ACACB: variants seen among roughly 807,000 people sequenced by gnomAD.
The protein encoded by ACACB is acetyl-CoA carboxylase beta.
ACACB carries 209 observed loss-of-function variants against 278.8 expected under a neutral mutation model. The observed-to-expected ratio is 0.75, with a 90% confidence interval of 0.67 to 0.84. The LOEUF (loss-of-function observed/expected upper bound fraction) is 0.84, where lower values mean the gene tolerates loss of function less well. Among genes scored for constraint, ACACB ranks in the 40% least tolerant of loss-of-function variants. The pLI is 0.00. For synonymous variants in ACACB, 1,174 were observed against 1,285.6 expected, an observed-to-expected ratio of 0.91 and a Z score of 1.86; for missense variants, 2,850 against 3,269.0, an observed-to-expected ratio of 0.87 and a Z score of 3.13.
chr12:109,260,433 T>C, intron 47 of ACACB, 47 bp from the exon 48 acceptor site: 2 of 1,610,464 alleles, frequency 1.2e-6, no homozygotes, highest in Non-Finnish European at 1.7e-6. Flanking sequence ...GGGTTTCATG[T>C]GTGGATGAGT....
At position 109,167,971 on chromosome 12, in the gene ACACB, C is replaced by T. The variant is rs1215870490; in HGVS notation, c.862C>T (p.Arg288Cys). 1.4e-5 allele frequency: 23 copies of T among 1,613,836 alleles called. No homozygotes were observed. The highest frequency in any genetic ancestry group is 1.9e-5 in the Non-Finnish European group (22 of 1,179,954). ...SIRRWAYEMF[R>C]NERAIRFVVM... ...CCGCAGGTGGGCCTATGAGATGTTC[C>T]GCAACGAGCGGGCCATCCGGTTTGT... is the stretch of plus-strand genomic sequence containing the variant. The change falls in exon 4 of 53, where the codon CGC becomes TGC. Residue 288 changes from arginine to cysteine, a missense_variant. Around this residue, in one of 3 missense-constraint regions of ACACB, gnomAD observed 2,265 missense variants for 2,561.3 expected, o/e 0.88. Transcript: ENST00000338432.
Position 109,241,301 on chromosome 12 carries a change from T to C in ACACB, c.5022+20T>C. The C allele has an allele frequency of 6.2e-7, 1 of 1,611,700 alleles. No individual in the cohort carries two copies. Among genetic ancestry groups the C allele is most frequent in the Non-Finnish European group, 8.5e-7 (1 of 1,178,048 alleles). On this transcript the variant is annotated intron_variant, in intron 36 of 52. Coordinates refer to ENST00000338432, the MANE Select transcript of ACACB (RefSeq NM_001093.4). Reference sequence around the variant, plus strand: ...GGAAATGTAAGGCTGGCCCGCGCCGTGGGGGTCTAAGTCAAAGCAGAAGCA... The same window carrying C: ...GGAAATGTAAGGCTGGCCCGCGCCGCGGGGGTCTAAGTCAAAGCAGAAGCA...
At chr12:109,212,128 G>A (rs560211955) in intron 21 of ACACB, among the ~76,000 whole-genome samples, 15 of 152,200 alleles carry the variant, frequency 9.9e-5, no homozygotes, top group African/African-American at 3.4e-4. Flanking sequence ...ATTCCTCACC[G>A]TTGAGGGGAT....
In ACACB at chr12:109,250,041, G is replaced by C; in HGVS notation, c.5727G>C (p.Arg1909Ser). ...ATGGCTTGGGCGTGGAGAATCTGAG[G>C]GGCTCAGGCATGATTGCTGGGGAGT... is the stretch of plus-strand genomic sequence containing the variant. ...KDDGLGVENL[R>S]GSGMIAGESS... Residue 1909 changes from arginine (R) to serine (S), a missense_variant, in exon 41 of 53, where the codon AGG becomes AGC. Physicochemically the swap from Arg to Ser is moderately radical, Grantham distance 110 (BLOSUM62 -1). This residue lies in a region of ACACB where 2,265 missense variants were observed against 2,561.3 expected (regional missense o/e 0.88). Coordinates refer to ENST00000338432, the MANE Select transcript of ACACB (RefSeq NM_001093.4). 1.2e-6 allele frequency: 2 copies of C among 1,613,590 alleles called. No homozygotes were observed. Among genetic ancestry groups the C allele is most frequent in the Non-Finnish European group, 1.7e-6 (2 of 1,179,784 alleles).
chr12:109,179,683 G>C (rs1565893226), intron 10 of ACACB, among the ~76,000 whole-genome samples: 1 of 152,150 alleles, frequency 6.6e-6, no homozygotes, highest in Non-Finnish European at 1.5e-5. Context: ...TAGAGACAGA[G>C]TCTTGCTATG....
chr12:109,254,454 A>G lies in ACACB; in HGVS notation c.6166+120A>G. The G allele has an allele frequency of 9.0e-6, 9 of 998,958 alleles. No individual in the cohort carries two copies. In the Admixed American group the frequency reaches 2.1e-4, roughly 23 times the overall value. 61.9% of individuals were successfully genotyped at this position (998,958 alleles called of 1,614,324 possible). On this transcript the variant is annotated intron_variant, in intron 44 of 52. Transcript: ENST00000338432. ...GGCTTGATATTCGTTCTCATATCCC[A>G]GAGAGGTATACCTGAAATCAAATGC... is the stretch of plus-strand genomic sequence containing the variant.
intron 1 of ACACB, among the ~76,000 whole-genome samples, chr12:109,137,077 C>T (rs898038747): frequency 2.6e-5 from 4 of 152,052 alleles, no homozygotes; most frequent in Admixed American, 1.3e-4. Flanking sequence ...AATGCTTTTC[C>T]TGCATCAATT....
At chr12:109,212,045 T>C (rs555102480) in intron 21 of ACACB, among the ~76,000 whole-genome samples, 1 of 152,310 alleles carries the variant, frequency 6.6e-6, no homozygotes, top group East Asian at 1.9e-4. Context: ...CCCCATCCCA[T>C]TGATATGTGC....
rs146654635 is a variant in ACACB, at chr12:109,207,006, G to A, written c.3060+150G>A. On this transcript the variant is annotated intron_variant, in intron 20 of 52. Transcript: ENST00000338432. ...TTATTTATTTTATTTTTTCAGACAA[G>A]GTCTCACTCTGTCACCCAGACTCAC... The A allele has an allele frequency of 1.6e-4, 167 of 1,023,518 alleles. No individual in the cohort carries two copies. In the African/African-American group the frequency reaches 2.6e-3, roughly 16 times the overall value. 63.4% of individuals were successfully genotyped at this position (1,023,518 alleles called of 1,614,324 possible).
At chr12:109,259,180 G>C in intron 47 of ACACB, 72 bp downstream of exon 47, 1 of 1,549,922 alleles carries the variant, frequency 6.5e-7, no homozygotes, top group Non-Finnish European at 8.8e-7. Flanking sequence ...TCTGGGTGGT[G>C]ATGCTAATGT....
intron 21 of ACACB, among the ~76,000 whole-genome samples, chr12:109,210,282 CATATCT>C (rs373998140): frequency 6.7e-4 from 10 of 14,850 alleles, no homozygotes; most frequent in South Asian, 2.3e-3. Flanking sequence ...TATACACACA[CATATCT>C]GTGTGTATAT....
chr12:109,241,537 A>C, intron 36 of ACACB: 2 of 463,742 alleles, frequency 4.3e-6, no homozygotes, highest in Non-Finnish European at 8.0e-6. Context: ...TGATAGAGAC[A>C]AGGTGTCACC....
chr12:109,177,049 C>T (rs935777086), intron 9 of ACACB, among the ~76,000 whole-genome samples: 1 of 152,204 alleles, frequency 6.6e-6, no homozygotes, highest in African/African-American at 2.4e-5. Flanking sequence ...ATTCTTAAAG[C>T]TATTTTAATA....
At chr12:109,264,493 G>A in intron 50 of ACACB, 107 bp downstream of exon 50, 1 of 1,416,198 alleles carries the variant, frequency 7.1e-7, no homozygotes, top group South Asian at 1.2e-5. Flanking sequence ...GTTGGGATGG[G>A]TCAAATGCTG....
intron 1 of ACACB, among the ~76,000 whole-genome samples, chr12:109,130,888 C>A (rs527667228): frequency 2.0e-5 from 3 of 152,198 alleles, no homozygotes; most frequent in African/African-American, 7.2e-5. Context: ...TATAGCCAAA[C>A]ACAAGTTGTG....
chr12:109,166,897 A>G lies in ACACB; in HGVS notation c.690A>G (p.Gly230=), dbSNP rs2043925434. Residue 230 remains glycine (G), a synonymous_variant, in exon 3 of 53, where the codon GGA becomes GGG. Coordinates refer to ENST00000338432, the MANE Select transcript of ACACB (RefSeq NM_001093.4). ...SMSGLHLVKR[G]REHKKLDLHR... Reference sequence around the variant, plus strand: ...CGGGACTCCACCTGGTGAAGAGGGGACGGGAACACAAGAAGCTGGACCTGC... The same window carrying G: ...CGGGACTCCACCTGGTGAAGAGGGGGCGGGAACACAAGAAGCTGGACCTGC... 6.2e-7 allele frequency: 1 copy of G among 1,613,654 alleles called. No homozygotes were observed. Among genetic ancestry groups the G allele is most frequent in the Non-Finnish European group, 8.5e-7 (1 of 1,179,938 alleles).
intron 28 of ACACB, 118 bp downstream of exon 28, chr12:109,227,607 C>A: frequency 1.1e-6 from 1 of 913,718 alleles, no homozygotes; most frequent in Non-Finnish European, 1.7e-6. Flanking sequence ...GAGACATCAG[C>A]GATAAGCACT....
In ACACB at chr12:109,256,153, G is replaced by T. The variant is rs748417042; in HGVS notation, c.6180G>T (p.Thr2060=). The T allele has an allele frequency of 2.5e-6, 4 of 1,613,748 alleles. No individual in the cohort carries two copies. The highest frequency in any genetic ancestry group is 1.3e-5 in the African/African-American group (1 of 74,918). The change falls in exon 45 of 53, where the codon ACG becomes ACT. Residue 2060 remains threonine, a synonymous_variant. Coordinates refer to ENST00000338432, the MANE Select transcript of ACACB (RefSeq NM_001093.4). The part of the protein sequence containing the change: ...AGRPHPTLKG[T]WQSGFFDHGS... The stretch of plus-strand genomic sequence containing the variant: ...TTCTGTCCACAGCTCTGAAGGGAAC[G>T]TGGCAGAGCGGATTCTTTGACCACG...
At chr12:109,196,872 T>C in intron 16 of ACACB, 136 bp from the exon 17 acceptor site, 13 of 1,064,028 alleles carry the variant, frequency 1.2e-5, no homozygotes, top group Non-Finnish European at 1.6e-5. Flanking sequence ...TTGTGAGGGC[T>C]GGGTCCGAGA....
Sources: allele counts gnomAD v4.1 joint callset (sites outside exome capture counted in the v4.1 genomes callset), GRCh38; gene constraint gnomAD v4.1.1; regional missense constraint gnomAD v4.1.1; transcripts MANE v1.5; gene names NCBI Gene and HGNC (gene_info 2026-07-23, HGNC 2026-07-21).